Variants in RYR2 observed in about 807,000 individuals in gnomAD.
RYR2 encodes ryanodine receptor 2, also known as cardiac muscle ryanodine receptor-calcium release channel.
In RYR2, 227 loss-of-function variants were observed where a neutral mutation model predicts 601.1. That is an observed-to-expected ratio of 0.38 (90% confidence interval 0.34 to 0.42). RYR2 has a LOEUF of 0.42. Ranked by LOEUF, RYR2 falls within the 10% of genes least tolerant of loss-of-function variation. The pLI, the probability that RYR2 is intolerant of heterozygous loss-of-function variation, is 1.00. For synonymous variants in RYR2, 2,223 were observed against 2,175.1 expected (o/e 1.02, Z -0.61); for missense variants, 4,646 against 6,156.5 (o/e 0.75, Z 8.21).
At chr1:237,526,190 A>C (rs956703150) in intron 24 of RYR2, among the ~76,000 whole-genome samples, 14 of 152,064 alleles carry the variant, frequency 9.2e-5, no homozygotes, top group Admixed American at 9.2e-4. Flanking sequence ...ACTTTTTAAT[A>C]ATAACCATTC....
intron 1 of RYR2, among the ~76,000 whole-genome samples, chr1:237,232,820 T>G (rs531116567): frequency 6.6e-6 from 1 of 152,306 alleles, no homozygotes; most frequent in South Asian, 2.1e-4. Flanking sequence ...TTGCCTGGTG[T>G]GTGGGGAGAA....
chr1:237,581,677 G>A (rs1050971991), intron 29 of RYR2, among the ~76,000 whole-genome samples: 2 of 152,188 alleles, frequency 1.3e-5, no homozygotes, highest in Admixed American at 6.5e-5. Context: ...AACATGGTGT[G>A]AATTAAGGTT....
intron 2 of RYR2, among the ~76,000 whole-genome samples, chr1:237,284,395 AT>A (rs1180220188): frequency 5.5e-5 from 8 of 144,510 alleles, no homozygotes; most frequent in South Asian, 2.2e-4. Flanking sequence ...AAAAAAAAAA[AT>A]AGTGTCCAGT....
In RYR2 at chr1:237,614,092, A is replaced by C; in HGVS notation, c.4964A>C (p.Tyr1655Ser). The change falls in exon 37 of 105, where the codon TAT (tyrosine) becomes TCT (serine). Residue 1655 changes from tyrosine (Y) to serine (S), a missense_variant. By Grantham distance (144) the Tyr-to-Ser change is moderately radical. Around this residue, in one of 17 missense-constraint regions of RYR2, gnomAD observed 1,807 missense variants for 2,088.1 expected, o/e 0.87. Coordinates refer to ENST00000366574, the MANE Select transcript of RYR2 (RefSeq NM_001035.3). This position sits in a 1 kb window ranked among gnomAD's most constrained non-coding sequence, Gnocchi z 4.3. The stretch of plus-strand genomic sequence containing the variant: ...CAGGAGGAATTGCTGAAATTTCACT[A>C]TCACACTCTCCGGCTCTACTCAGCC... Reference protein sequence around the residue: ...TEQEELLKFHYHTLRLYSAVC... With the variant: ...TEQEELLKFHSHTLRLYSAVC... 1 of 1,614,020 alleles carries C rather than the reference A, an allele frequency of 6.2e-7. No homozygotes were observed. The highest frequency in any genetic ancestry group is 2.2e-5 in the East Asian group (1 of 44,882).
At chr1:237,669,773 C>T (rs1347206257) in intron 58 of RYR2, among the ~76,000 whole-genome samples, 3 of 150,854 alleles carry the variant, frequency 2.0e-5, no homozygotes, top group South Asian at 2.1e-4. Flanking sequence ...GATGGGATGG[C>T]GGCCGGGCAG....
At position 237,503,518 on chromosome 1, in the gene RYR2, A is replaced by G. The variant is rs1241051830; in HGVS notation, c.2613+13A>G. Reference sequence around the variant, plus strand: ...GGATACCAGCCAGGTACCAAGATCCACTCGAATGGCAATCACTGGTATTGC... The same window carrying G: ...GGATACCAGCCAGGTACCAAGATCCGCTCGAATGGCAATCACTGGTATTGC... On this transcript the variant is annotated intron_variant, in intron 22 of 104. Transcript: ENST00000366574. The G allele has an allele frequency of 6.2e-7, 1 of 1,611,870 alleles. No homozygotes were observed.
At chr1:237,807,281 T>C (rs1443658382) in intron 99 of RYR2, among the ~76,000 whole-genome samples, 1 of 152,204 alleles carries the variant, frequency 6.6e-6, no homozygotes, top group Non-Finnish European at 1.5e-5. Flanking sequence ...TGTGTGTTTC[T>C]ACATAAAAGG....
At chr1:237,298,039 G>A (rs1353612401) in intron 2 of RYR2, among the ~76,000 whole-genome samples, 1 of 151,116 alleles carries the variant, frequency 6.6e-6, no homozygotes, top group Non-Finnish European at 1.5e-5. Context: ...GATTACAGGT[G>A]TGAGCTACAG....
chr1:237,172,657 G>T (rs1415203014), intron 1 of RYR2, among the ~76,000 whole-genome samples: 1 of 152,130 alleles, frequency 6.6e-6, no homozygotes, highest in African/African-American at 2.4e-5. Context: ...TTTTGCTGTA[G>T]GTTGTTTCTG....
chr1:237,160,757 G>A (rs1163403593), intron 1 of RYR2, among the ~76,000 whole-genome samples: 1 of 151,642 alleles, frequency 6.6e-6, no homozygotes, highest in Non-Finnish European at 1.5e-5. Flanking sequence ...CTAATAGATA[G>A]TTTTTAAAAA....
chr1:237,218,609 G>A (rs541483795), intron 1 of RYR2, among the ~76,000 whole-genome samples: 17 of 152,172 alleles, frequency 1.1e-4, no homozygotes, highest in African/African-American at 3.1e-4. Flanking sequence ...ATCTAGCCTC[G>A]TATAGGAGAA....
At chr1:237,089,408 A>G (rs949936010) in intron 1 of RYR2, among the ~76,000 whole-genome samples, 1 of 152,208 alleles carries the variant, frequency 6.6e-6, no homozygotes, top group South Asian at 2.1e-4. Flanking sequence ...TACATTTATT[A>G]TAGGAAATTA....
At chr1:237,374,874 A>G (rs530409158) in intron 7 of RYR2, 79 bp downstream of exon 7, 4 of 1,043,586 alleles carry the variant, frequency 3.8e-6, no homozygotes, top group Admixed American at 2.1e-5. Flanking sequence ...GGGAAATACG[A>G]TACATGGGAT....
At chr1:237,107,346 C>G (rs562498947) in intron 1 of RYR2, among the ~76,000 whole-genome samples, 1 of 150,786 alleles carries the variant, frequency 6.6e-6, no homozygotes, top group Non-Finnish European at 1.5e-5. Flanking sequence ...ACGGTGAAAC[C>G]CCGTCTCTAC....
intron 12 of RYR2, among the ~76,000 whole-genome samples, chr1:237,425,985 C>T (rs894673965): frequency 2.0e-5 from 3 of 151,800 alleles, no homozygotes; most frequent in East Asian, 3.9e-4. Flanking sequence ...CTGATTTATG[C>T]GATCATTATT....
chr1:237,042,807 C>G (rs1413001724), intron 1 of RYR2, among the ~76,000 whole-genome samples: 4 of 151,984 alleles, frequency 2.6e-5, no homozygotes, highest in South Asian at 4.1e-4. Flanking sequence ...TGGAGCGCGG[C>G]TAGCCGGCGG....
chr1:237,769,587 C>G (rs941200972), intron 84 of RYR2, among the ~76,000 whole-genome samples: 10 of 152,098 alleles, frequency 6.6e-5, no homozygotes, highest in Non-Finnish European at 1.2e-4. Context: ...TTATATGAAG[C>G]CTCTCACTTT....
intron 99 of RYR2, 92 bp downstream of exon 99, chr1:237,806,375 A>T: frequency 7.8e-7 from 1 of 1,288,664 alleles, no homozygotes; most frequent in Non-Finnish European, 1.1e-6. Context: ...ATGACAATGT[A>T]CAGTTTTAAA....
intron 87 of RYR2, among the ~76,000 whole-genome samples, chr1:237,774,083 ATTCTT>A (rs1314917161): frequency 6.6e-6 from 1 of 152,218 alleles, no homozygotes; most frequent in African/African-American, 2.4e-5. Flanking sequence ...CGTATAGAAT[ATTCTT>A]TTCTTTTTTA....
Sources: allele counts gnomAD v4.1 joint callset (sites outside exome capture counted in the v4.1 genomes callset), GRCh38; gene constraint gnomAD v4.1.1; regional missense constraint gnomAD v4.1.1; non-coding constraint Gnocchi (gnomAD v3.1); transcripts MANE v1.5; gene names NCBI Gene and HGNC (gene_info 2026-07-23, HGNC 2026-07-21).